Variants in ATF6 observed in about 807,000 individuals in gnomAD.
ATF6 encodes cyclic AMP-dependent transcription factor ATF-6 alpha.
ATF6 carries 53 observed loss-of-function variants against 83.6 expected under a neutral mutation model. The observed-to-expected ratio is 0.63, with a 90% CI of 0.51 to 0.80. The LOEUF (loss-of-function observed/expected upper bound fraction) is 0.80. Ranked by LOEUF, ATF6 falls within the 30% of genes least tolerant of loss-of-function variation. The pLI is 0.00. For synonymous variants in ATF6, 288 were observed against 285.8 expected (o/e 1.01, Z -0.08); for missense variants, 744 against 797.9 (o/e 0.93, Z 0.81).
At chr1:161,885,227 AAAAC>A (rs1687396971) in intron 14 of ATF6, among the ~76,000 whole-genome samples, 3 of 152,282 alleles carry the variant, frequency 2.0e-5, no homozygotes, top group Admixed American at 2.0e-4. Flanking sequence ...TTTGCCAAAT[AAAAC>A]AAATCCTATA....
At chr1:161,877,601 A>G (rs530937208) in intron 14 of ATF6, among the ~76,000 whole-genome samples, 55 of 152,264 alleles carry the variant, frequency 3.6e-4, no homozygotes, top group African/African-American at 1.3e-3. Flanking sequence ...CTTATGAGCT[A>G]TAGTAAGTAG....
At chr1:161,896,960 A>G (rs772795945) in intron 14 of ATF6, among the ~76,000 whole-genome samples, 1 of 152,200 alleles carries the variant, frequency 6.6e-6, no homozygotes, top group South Asian at 2.1e-4. Context: ...GCACTTTACT[A>G]TGTTCTAATC....
chr1:161,898,748 A>G (rs892912361), intron 14 of ATF6, among the ~76,000 whole-genome samples: 7 of 152,034 alleles, frequency 4.6e-5, no homozygotes, highest in African/African-American at 1.4e-4. Context: ...GGGTTTTACC[A>G]CGTTGGCCAG....
chr1:161,815,118 A>G (rs780165209), intron 7 of ATF6, among the ~76,000 whole-genome samples: 2 of 151,836 alleles, frequency 1.3e-5, no homozygotes, highest in Non-Finnish European at 2.9e-5. Flanking sequence ...GGTTATCAAT[A>G]CTTGATCTGA....
intron 14 of ATF6, among the ~76,000 whole-genome samples, chr1:161,895,745 G>T (rs1432396235): frequency 1.3e-5 from 2 of 152,164 alleles, no homozygotes; most frequent in Admixed American, 6.5e-5. Context: ...TTATTACTCA[G>T]TGCTTTTTCC....
Position 161,945,031 on chromosome 1 carries a change from T to C in ATF6, c.1805-13415T>C, listed in dbSNP as rs115891885. ...CTGTAGAGAGTAAAATACAGTTATT[T>C]TGAGGTGGTGTCCATATCCTTAGGA... On this transcript the variant is annotated intron_variant, in intron 15 of 15. Coordinates refer to ENST00000367942, the MANE Select transcript of ATF6 (RefSeq NM_007348.4). Among the ~76,000 whole-genome samples, 1,450 of 152,328 alleles carry C rather than the reference T, an allele frequency of 9.5e-3. 13 individuals are homozygous for C. The highest frequency in any genetic ancestry group is 0.014 in the Non-Finnish European group (944 of 68,026).
intron 15 of ATF6, 148 bp downstream of exon 15, chr1:161,912,528 T>C: frequency 2.1e-6 from 1 of 479,868 alleles, no homozygotes; most frequent in African/African-American, 2.0e-5. Context: ...TGTTTTATTA[T>C]TTTTAAGATC....
intron 7 of ATF6, among the ~76,000 whole-genome samples, chr1:161,816,096 ATAC>A (rs1685605020): frequency 6.6e-6 from 1 of 152,210 alleles, no homozygotes; most frequent in Non-Finnish European, 1.5e-5. Flanking sequence ...ACTAAGTGAA[ATAC>A]TACATTTTAT....
chr1:161,778,221 C>G (rs1182213986), intron 1 of ATF6, 23 bp from the exon 2 acceptor site: 1 of 1,598,772 alleles, frequency 6.3e-7, no homozygotes, highest in African/African-American at 1.3e-5. Flanking sequence ...CAGTTCATTT[C>G]TATTCTTTTC....
At chr1:161,910,734 T>C (rs928410074) in intron 14 of ATF6, among the ~76,000 whole-genome samples, 4 of 152,230 alleles carry the variant, frequency 2.6e-5, no homozygotes, top group African/African-American at 9.6e-5. Flanking sequence ...ATAACTTTCA[T>C]GGCTTGAAGA....
chr1:161,845,984 C>G (rs1161124623), intron 9 of ATF6, among the ~76,000 whole-genome samples: 1 of 151,962 alleles, frequency 6.6e-6, no homozygotes, highest in Non-Finnish European at 1.5e-5. Flanking sequence ...TATCTGATAG[C>G]CTGCCTTCTG....
At chr1:161,821,934 T>C (rs1005393569) in intron 9 of ATF6, among the ~76,000 whole-genome samples, 2 of 152,140 alleles carry the variant, frequency 1.3e-5, no homozygotes, top group African/African-American at 4.8e-5. Context: ...CTCTCTGATG[T>C]AGCTTTTGTG....
intron 13 of ATF6, among the ~76,000 whole-genome samples, chr1:161,861,931 T>A (rs571447594): frequency 2.3e-4 from 35 of 152,298 alleles, no homozygotes; most frequent in African/African-American, 8.4e-4. Flanking sequence ...AGAAACTACG[T>A]ATGTTAGATA....
intron 4 of ATF6, among the ~76,000 whole-genome samples, chr1:161,785,672 T>G (rs1218360192): frequency 6.6e-6 from 1 of 152,168 alleles, no homozygotes; most frequent in Non-Finnish European, 1.5e-5. Flanking sequence ...ATAAGTCACT[T>G]TATATTTTTA....
At chr1:161,771,566 A>G (rs1684390189) in intron 1 of ATF6, among the ~76,000 whole-genome samples, 1 of 151,840 alleles carries the variant, frequency 6.6e-6, no homozygotes, top group Admixed American at 6.6e-5. Context: ...ACAATATCCC[A>G]TCCTCTACCT....
chr1:161,924,087 C>T (rs1193821269), intron 15 of ATF6, among the ~76,000 whole-genome samples: 1 of 152,116 alleles, frequency 6.6e-6, no homozygotes, highest in Non-Finnish European at 1.5e-5. Context: ...AGAAGATGAG[C>T]CACTTCATAT....
intron 2 of ATF6, among the ~76,000 whole-genome samples, chr1:161,778,914 G>C (rs1684579769): frequency 6.6e-6 from 1 of 152,076 alleles, no homozygotes; most frequent in African/African-American, 2.4e-5. Context: ...TTCTTTAATG[G>C]ATGAGGTGCT....
At chr1:161,914,894 G>T (rs1484241190) in intron 15 of ATF6, among the ~76,000 whole-genome samples, 1 of 152,168 alleles carries the variant, frequency 6.6e-6, no homozygotes, top group Non-Finnish European at 1.5e-5. Context: ...CTCTATGCCT[G>T]CTCTCAAGCA....
chr1:161,775,670 C>G (rs909167354), intron 1 of ATF6, among the ~76,000 whole-genome samples: 3 of 152,012 alleles, frequency 2.0e-5, no homozygotes, highest in Non-Finnish European at 2.9e-5. Flanking sequence ...CTGTCATTTG[C>G]TGAGAATTTC....
Sources: gnomAD v4.1 joint callset for allele counts (sites outside exome capture counted in the v4.1 genomes callset) on GRCh38, gnomAD v4.1.1 for gene constraint, MANE v1.5 for transcripts, NCBI Gene and HGNC (gene_info 2026-07-23, HGNC 2026-07-21) for gene names.